Variants in HSD17B11 observed in about 807,000 individuals in gnomAD.
HSD17B11 encodes the protein hydroxysteroid 17-beta dehydrogenase 11, also known as estradiol 17-beta-dehydrogenase 11.
Under a neutral mutation model 27.8 loss-of-function variants are expected in HSD17B11, and 22 were observed. That is an observed-to-expected ratio of 0.79 (90% CI 0.56 to 1.13). The LOEUF is 1.13. Ranked by LOEUF, HSD17B11 falls within the 50% of genes most tolerant of loss-of-function variation. The pLI is 0.00. For synonymous variants in HSD17B11, 117 were observed against 132.8 expected (o/e 0.88, Z 0.82); for missense variants, 314 against 351.1 (o/e 0.89, Z 0.84).
chr4:87,346,564 C>T lies in HSD17B11; in HGVS notation c.696-5958G>A, dbSNP rs543011222. Among the ~76,000 whole-genome samples the T allele has an allele frequency of 5.9e-5, 9 of 152,208 alleles. No homozygotes were observed. The South Asian group carries it at 6.2e-4, about 11-fold the overall frequency. ...ACTTGGGAGGCTGAGGCAGGACAAT[C>T]GCTTGAATCTGGGAGGTGGAGGCCG... On this transcript the variant is annotated intron_variant, in intron 5 of 6. Transcript: ENST00000358290.
intron 4 of HSD17B11, among the ~76,000 whole-genome samples, chr4:87,363,988 TTTC>T (rs1167472812): frequency 6.6e-6 from 1 of 152,244 alleles, no homozygotes; most frequent in Admixed American, 6.5e-5. Flanking sequence ...TCTGAAAGGA[TTTC>T]TTCTTTAAAG....
chr4:87,356,411 A>T (rs1373575848), intron 5 of HSD17B11, among the ~76,000 whole-genome samples: 1 of 152,176 alleles, frequency 6.6e-6, no homozygotes, highest in Non-Finnish European at 1.5e-5. Flanking sequence ...TAATCAATAC[A>T]ATTTATTATA....
chr4:87,390,409 G>A (rs1462925122), intron 1 of HSD17B11, among the ~76,000 whole-genome samples: 1 of 152,164 alleles, frequency 6.6e-6, no homozygotes, highest in East Asian at 1.9e-4. Context: ...GCCTGCCTTG[G>A]ACTCCCAAAG....
chr4:87,375,016 CCCAA>C (rs1198806751), intron 2 of HSD17B11, among the ~76,000 whole-genome samples, 186 bp from the exon 3 acceptor site: 21 of 151,990 alleles, frequency 1.4e-4, no homozygotes, highest in Non-Finnish European at 8.8e-5. Context: ...GCCTCAGCTT[CCCAA>C]GTAGCAGGGA....
At chr4:87,338,198 C>G (rs1209334710) in intron 6 of HSD17B11, among the ~76,000 whole-genome samples, 1 of 152,100 alleles carries the variant, frequency 6.6e-6, no homozygotes, top group Non-Finnish European at 1.5e-5. Context: ...GCCTGGGCGA[C>G]AGAGCGAGAC....
intron 6 of HSD17B11, among the ~76,000 whole-genome samples, chr4:87,339,985 A>G (rs1202988943): frequency 6.6e-6 from 1 of 152,204 alleles, no homozygotes; most frequent in African/African-American, 2.4e-5. Context: ...TATTTCTAAC[A>G]AACTCCCAGG....
chr4:87,374,052 C>CA (rs1462171426), intron 3 of HSD17B11, among the ~76,000 whole-genome samples: 1 of 152,162 alleles, frequency 6.6e-6, no homozygotes, highest in Non-Finnish European at 1.5e-5. Flanking sequence ...AAAGCCAGGG[C>CA]AGTGGCTCAT....
intron 4 of HSD17B11, among the ~76,000 whole-genome samples, chr4:87,363,668 A>G (rs1308356927): frequency 1.3e-5 from 2 of 152,226 alleles, no homozygotes; most frequent in African/African-American, 4.8e-5. Flanking sequence ...TCTGAAAATC[A>G]TATTAAATAG....
At chr4:87,388,013 C>A (rs115796621) in intron 1 of HSD17B11, among the ~76,000 whole-genome samples, 2,103 of 152,224 alleles carry the variant, frequency 0.014, 48 homozygotes, top group African/African-American at 0.048. Flanking sequence ...GAATTACCCT[C>A]AAAACCCTTC....
Position 87,347,115 on chromosome 4 carries a change from T to C in HSD17B11, c.696-6509A>G, listed in dbSNP as rs866600573. 4.3e-4 allele frequency among the ~76,000 whole-genome samples: 24 copies of C among 56,158 alleles called. 1 individual carries two copies. Among genetic ancestry groups the C allele is most frequent in the African/African-American group, 3.1e-3 (22 of 7,200 alleles). 36.8% of individuals were successfully genotyped at this position (56,158 alleles called of 152,430 possible). Reference sequence around the variant, plus strand: ...TTTAGTATTCTGGATTTTTTTTTTTTCTTTTTTTTTTTTTTTTTTTTATTA... The same window carrying C: ...TTTAGTATTCTGGATTTTTTTTTTTCCTTTTTTTTTTTTTTTTTTTTATTA... On this transcript the variant is annotated intron_variant, in intron 5 of 6. Transcript: ENST00000358290.
At chr4:87,390,790 G>A in intron 1 of HSD17B11, 71 bp downstream of exon 1, 1 of 1,386,470 alleles carries the variant, frequency 7.2e-7, no homozygotes, top group Non-Finnish European at 1.0e-6. Flanking sequence ...GTAAAGGGTG[G>A]TTGCCAGCAA....
chr4:87,360,519 T>TA (rs1424137016), intron 4 of HSD17B11, among the ~76,000 whole-genome samples: 2 of 152,256 alleles, frequency 1.3e-5, no homozygotes, highest in African/African-American at 4.8e-5. Context: ...TTGTGTCCCC[T>TA]TGTTCTGGTA....
At chr4:87,372,200 G>A (rs182814783) in intron 4 of HSD17B11, among the ~76,000 whole-genome samples, 7,660 of 136,366 alleles carry the variant, frequency 0.056, 706 homozygotes, top group African/African-American at 0.2. Flanking sequence ...CCGAGATTGC[G>A]CCACTGCACT....
intron 4 of HSD17B11, among the ~76,000 whole-genome samples, chr4:87,370,173 T>G (rs551331995): frequency 1.2e-4 from 19 of 152,116 alleles, no homozygotes; most frequent in Non-Finnish European, 1.8e-4. Flanking sequence ...TTCCTCTCAT[T>G]TCATCCCAAA....
At chr4:87,382,461 T>G in intron 1 of HSD17B11, 99 bp from the exon 2 acceptor site, 1 of 749,008 alleles carries the variant, frequency 1.3e-6, no homozygotes, top group Non-Finnish European at 2.2e-6. Flanking sequence ...AGTAGTGAGA[T>G]TCTTTCCATT....
At chr4:87,368,070 C>A (rs529431576) in intron 4 of HSD17B11, among the ~76,000 whole-genome samples, 1 of 152,268 alleles carries the variant, frequency 6.6e-6, no homozygotes, top group South Asian at 2.1e-4. Flanking sequence ...GTAATCCCAG[C>A]ACTTTGGGGG....
intron 4 of HSD17B11, among the ~76,000 whole-genome samples, chr4:87,372,039 G>A (rs1171238085): frequency 2.6e-5 from 4 of 151,966 alleles, no homozygotes; most frequent in African/African-American, 4.8e-5. Flanking sequence ...TCAGGAGATC[G>A]AGACCATCCT....
chr4:87,372,868 A>G, intron 3 of HSD17B11, 53 bp from the exon 4 acceptor site: 1 of 1,063,452 alleles, frequency 9.4e-7, no homozygotes, highest in Non-Finnish European at 1.4e-6. Flanking sequence ...AGACTCACAG[A>G]CCTATTGGGA....
At chr4:87,376,501 C>A (rs1267459533) in intron 2 of HSD17B11, among the ~76,000 whole-genome samples, 31 of 80,924 alleles carry the variant, frequency 3.8e-4, no homozygotes, top group Non-Finnish European at 5.5e-4. Context: ...GAGATTTCAT[C>A]TCAAAAAAAA....
Sources: allele counts gnomAD v4.1 joint callset (sites outside exome capture counted in the v4.1 genomes callset), GRCh38; gene constraint gnomAD v4.1.1; transcripts MANE v1.5; gene names NCBI Gene and HGNC (gene_info 2026-07-23, HGNC 2026-07-21).